The following GALNT13 variants were observed in gnomAD, a reference collection of about 807,000 sequenced individuals.
The protein encoded by GALNT13 is UDP-GalNAc:polypeptide N-acetylgalactosaminyltransferase 13.
A neutral mutation model predicts 64.2 loss-of-function variants in GALNT13; 28 were observed. The ratio of observed to expected loss-of-function variants is 0.44; its 90% CI spans 0.32 to 0.60. The LOEUF (loss-of-function observed/expected upper bound fraction) is 0.60. Among genes scored for constraint, GALNT13 ranks in the 20% least tolerant of loss-of-function variants. The pLI is 0.05. For synonymous variants in GALNT13, 214 were observed against 224.6 expected, an observed-to-expected ratio of 0.95 and a Z score of 0.42; for missense variants, 577 against 669.8, an observed-to-expected ratio of 0.86 and a Z score of 1.53.
At chr2:154,367,240 G>C (rs1477872804) in intron 9 of GALNT13, among the ~76,000 whole-genome samples, 1 of 152,098 alleles carries the variant, frequency 6.6e-6, no homozygotes. Context: ...GGGAACAAGG[G>C]AGTTCAAGAT....
chr2:153,895,123 G>T (rs1283577176), intron 1 of GALNT13, among the ~76,000 whole-genome samples: 1 of 152,050 alleles, frequency 6.6e-6, no homozygotes, highest in Non-Finnish European at 1.5e-5. Flanking sequence ...AAGAGGGACT[G>T]AAATAAGTTG....
chr2:153,267,996 G>T, the GALNT13 span, among the ~76,000 whole-genome samples: 1 of 152,070 alleles, frequency 6.6e-6, no homozygotes, highest in Admixed American at 6.6e-5. Flanking sequence ...GGTGAGATTT[G>T]GGTAGGGACA....
chr2:153,074,480 A>C, the GALNT13 span, among the ~76,000 whole-genome samples: 9 of 152,186 alleles, frequency 5.9e-5, no homozygotes, highest in Admixed American at 1.3e-4. Flanking sequence ...TGAACATCAG[A>C]GTATACTTAT....
chr2:153,398,966 G>A, the GALNT13 span, among the ~76,000 whole-genome samples: 12,453 of 112,114 alleles, frequency 0.11, 723 homozygotes, highest in Non-Finnish European at 0.13. Context: ...TGTTGCCATT[G>A]CTTTTGGTGT....
the GALNT13 span, among the ~76,000 whole-genome samples, chr2:153,415,711 T>G: frequency 7.2e-5 from 11 of 152,092 alleles, no homozygotes; most frequent in Non-Finnish European, 7.4e-5. Flanking sequence ...TTTGCTAAAA[T>G]GGACTTTAAA....
chr2:154,353,786 G>T (rs907766031), intron 9 of GALNT13, among the ~76,000 whole-genome samples: 4 of 152,030 alleles, frequency 2.6e-5, no homozygotes, highest in African/African-American at 4.8e-5. Context: ...GTGTAGGATG[G>T]GTATATATAT....
chr2:153,817,781 G>C, the GALNT13 span, among the ~76,000 whole-genome samples: 1 of 152,034 alleles, frequency 6.6e-6, no homozygotes, highest in Non-Finnish European at 1.5e-5. Flanking sequence ...ATTCGTAGTA[G>C]CATTATTTAT....
the GALNT13 span, among the ~76,000 whole-genome samples, chr2:153,361,380 C>T: frequency 2.0e-5 from 3 of 152,022 alleles, no homozygotes; most frequent in African/African-American, 7.2e-5. Flanking sequence ...AATGAATTGA[C>T]AGAAGTACGC....
At chr2:154,345,137 G>A (rs1695997471) in intron 9 of GALNT13, among the ~76,000 whole-genome samples, 1 of 151,936 alleles carries the variant, frequency 6.6e-6, no homozygotes, top group African/African-American at 2.4e-5. Context: ...CTTTGAAAAA[G>A]ACCTTAGATA....
At chr2:153,406,242 A>G in the GALNT13 span, among the ~76,000 whole-genome samples, 3 of 152,142 alleles carry the variant, frequency 2.0e-5, no homozygotes, top group Non-Finnish European at 2.9e-5. Flanking sequence ...TTTATCTTTT[A>G]AAATTATTAC....
the GALNT13 span, among the ~76,000 whole-genome samples, chr2:153,540,441 G>A: frequency 6.6e-6 from 1 of 152,212 alleles, no homozygotes; most frequent in African/African-American, 2.4e-5. Flanking sequence ...ATGAAGAGGG[G>A]AAATGTGGGG....
chr2:153,399,908 C>T, the GALNT13 span, among the ~76,000 whole-genome samples: 1 of 151,600 alleles, frequency 6.6e-6, no homozygotes, highest in Non-Finnish European at 1.5e-5. Context: ...TAATTGAATA[C>T]CCTTTATTTC....
At chr2:154,274,176 A>G (rs564194935) in intron 8 of GALNT13, among the ~76,000 whole-genome samples, 51 of 152,224 alleles carry the variant, frequency 3.4e-4, no homozygotes, top group African/African-American at 1.2e-3. Context: ...GATTTCTTTC[A>G]CTGTGTGGGT....
chr2:153,649,726 A>G, the GALNT13 span, among the ~76,000 whole-genome samples: 1 of 152,268 alleles, frequency 6.6e-6, no homozygotes, highest in South Asian at 2.1e-4. Flanking sequence ...TTATGTACCC[A>G]GTAGTCATTC....
chr2:154,198,351 T>TTTTTG (rs1169084892), intron 4 of GALNT13, among the ~76,000 whole-genome samples: 102 of 152,132 alleles, frequency 6.7e-4, no homozygotes, highest in African/African-American at 2.2e-3. Flanking sequence ...TCTTTGTTGT[T>TTTTTG]TTTTGTTTTG....
At chr2:154,361,177 A>G (rs1697047344) in intron 9 of GALNT13, among the ~76,000 whole-genome samples, 1 of 152,204 alleles carries the variant, frequency 6.6e-6, no homozygotes, top group Admixed American at 6.5e-5. Context: ...GATTTTATTG[A>G]GCAGAATGTG....
chr2:153,669,875 G>T, the GALNT13 span, among the ~76,000 whole-genome samples: 1 of 151,810 alleles, frequency 6.6e-6, no homozygotes, highest in Non-Finnish European at 1.5e-5. Context: ...TCCCTCCTGT[G>T]CCTGGCTCGG....
the GALNT13 span, among the ~76,000 whole-genome samples, chr2:153,153,537 G>C: frequency 4.6e-5 from 7 of 152,018 alleles, no homozygotes; most frequent in Non-Finnish European, 8.8e-5. Flanking sequence ...TTACATTTAA[G>C]TCTTTAATCC....
At chr2:153,266,485 C>T in the GALNT13 span, among the ~76,000 whole-genome samples, 91 of 152,260 alleles carry the variant, frequency 6.0e-4, no homozygotes, top group Non-Finnish European at 1.0e-3. Flanking sequence ...AATTGACTCA[C>T]AGTTTTACAT....
Sources: gnomAD v4.1 joint callset for allele counts (sites outside exome capture counted in the v4.1 genomes callset) on GRCh38, gnomAD v4.1.1 for gene constraint, MANE v1.5 for transcripts, NCBI Gene and HGNC (gene_info 2026-07-23, HGNC 2026-07-21) for gene names.